The following TAFA1 variants were observed in gnomAD, a reference collection of about 807,000 sequenced individuals.
The protein encoded by TAFA1 is TAFA chemokine like family member 1.
Under a neutral mutation model 18.5 loss-of-function variants are expected in TAFA1, and 4 were observed. The observed-to-expected ratio is 0.22, with a 90% CI of 0.11 to 0.49. The LOEUF (loss-of-function observed/expected upper bound fraction) is 0.49. Ranked by LOEUF, TAFA1 falls within the 20% of genes least tolerant of loss-of-function variation. The probability of loss-of-function intolerance (pLI) is 0.98; values close to 1 mark genes in which losing one functional copy is unlikely to be tolerated. For missense variants in TAFA1, 147 were observed against 169.0 expected (o/e 0.87, Z 0.72); for synonymous variants, 56 against 55.2 (o/e 1.01, Z -0.06).
intron 3 of TAFA1, among the ~76,000 whole-genome samples, chr3:68,426,379 G>A (rs2071054413): frequency 6.6e-6 from 1 of 151,544 alleles, no homozygotes; most frequent in Non-Finnish European, 1.5e-5. Context: ...CAGGCCTACA[G>A]GTATAGACAT....
At chr3:68,375,379 G>A (rs1321260459) in intron 2 of TAFA1, among the ~76,000 whole-genome samples, 1 of 152,052 alleles carries the variant, frequency 6.6e-6, no homozygotes, top group Non-Finnish European at 1.5e-5. Flanking sequence ...ATTAAGTGCT[G>A]GCTTATCCAA....
intron 2 of TAFA1, among the ~76,000 whole-genome samples, chr3:68,060,204 T>TGTTTGTG (rs2064585215): frequency 1.3e-5 from 2 of 150,032 alleles, no homozygotes; most frequent in East Asian, 2.0e-4. Context: ...GTGTGTGTGT[T>TGTTTGTG]TGTGTGTGTG....
chr3:68,330,811 G>T (rs533149958), intron 2 of TAFA1, among the ~76,000 whole-genome samples: 1 of 152,182 alleles, frequency 6.6e-6, no homozygotes, highest in East Asian at 1.9e-4. Context: ...TGCCTTAATG[G>T]TCTTAGTCTA....
intron 2 of TAFA1, among the ~76,000 whole-genome samples, chr3:68,249,269 T>G (rs1253260747): frequency 6.6e-6 from 1 of 152,194 alleles, no homozygotes; most frequent in African/African-American, 2.4e-5. Context: ...TGACTCTGCC[T>G]TTCCCATGTT....
intron 2 of TAFA1, among the ~76,000 whole-genome samples, chr3:68,086,391 C>G (rs550018472): frequency 3.2e-4 from 49 of 152,242 alleles, no homozygotes; most frequent in Non-Finnish European, 6.2e-4. Flanking sequence ...TGCAGAAGTT[C>G]TCTTCTTTCT....
intron 2 of TAFA1, among the ~76,000 whole-genome samples, chr3:68,035,513 C>A (rs1705027614): frequency 1.3e-5 from 2 of 152,014 alleles, no homozygotes; most frequent in African/African-American, 4.8e-5. Context: ...CTAAAAAATT[C>A]CGATTAGAAT....
intron 3 of TAFA1, among the ~76,000 whole-genome samples, chr3:68,504,752 A>G (rs1400005212): frequency 1.3e-5 from 2 of 152,106 alleles, no homozygotes; most frequent in Non-Finnish European, 2.9e-5. Flanking sequence ...CATCTGCAGC[A>G]ACAAAAATAT....
At chr3:68,507,572 A>C (rs887511298) in intron 3 of TAFA1, among the ~76,000 whole-genome samples, 3 of 152,142 alleles carry the variant, frequency 2.0e-5, no homozygotes, top group Admixed American at 2.0e-4. Flanking sequence ...GTATTGTTCT[A>C]TTAAATGATT....
At chr3:68,282,534 G>A (rs1245857574) in intron 2 of TAFA1, among the ~76,000 whole-genome samples, 1 of 152,132 alleles carries the variant, frequency 6.6e-6, no homozygotes, top group African/African-American at 2.4e-5. Context: ...TAACTACCTT[G>A]CATTCTGATG....
intron 2 of TAFA1, among the ~76,000 whole-genome samples, chr3:68,217,233 C>T (rs1347450530): frequency 2.0e-5 from 3 of 151,850 alleles, no homozygotes; most frequent in African/African-American, 7.3e-5. Context: ...ATTTCTTTTG[C>T]ACCAACCTAA....
intron 3 of TAFA1, among the ~76,000 whole-genome samples, chr3:68,426,845 C>T (rs549509426): frequency 6.6e-6 from 1 of 151,810 alleles, no homozygotes; most frequent in Non-Finnish European, 1.5e-5. Flanking sequence ...ATTTTCTCAA[C>T]AGGATCAGAT....
chr3:68,513,316 C>T (rs965775563), intron 3 of TAFA1, among the ~76,000 whole-genome samples: 5 of 152,038 alleles, frequency 3.3e-5, no homozygotes, highest in African/African-American at 1.2e-4. Context: ...TCACCACTGT[C>T]CAATAGTACT....
At chr3:68,456,776 C>T (rs188647738) in intron 3 of TAFA1, among the ~76,000 whole-genome samples, 1 of 152,296 alleles carries the variant, frequency 6.6e-6, no homozygotes, top group African/African-American at 2.4e-5. Flanking sequence ...TACAGCTTCC[C>T]ACTTTTCTTT....
At chr3:68,275,135 C>T (rs147829458) in intron 2 of TAFA1, among the ~76,000 whole-genome samples, 11 of 152,002 alleles carry the variant, frequency 7.2e-5, no homozygotes, top group Non-Finnish European at 1.0e-4. Context: ...GCACATCTAA[C>T]GAAGAATTTA....
chr3:68,411,117 T>C (rs114820640), intron 2 of TAFA1, among the ~76,000 whole-genome samples: 1 of 152,202 alleles, frequency 6.6e-6, no homozygotes, highest in Non-Finnish European at 1.5e-5. Flanking sequence ...AAAACCTTTT[T>C]GTCTGAGGGA....
chr3:68,088,917 C>A (rs919450630), intron 2 of TAFA1, among the ~76,000 whole-genome samples: 1 of 152,032 alleles, frequency 6.6e-6, no homozygotes, highest in Admixed American at 6.6e-5. Flanking sequence ...TAGAGCTGAT[C>A]GGACATGCTG....
chr3:68,072,999 T>C (rs1166352835), intron 2 of TAFA1, among the ~76,000 whole-genome samples: 1 of 152,220 alleles, frequency 6.6e-6, no homozygotes, highest in East Asian at 1.9e-4. Context: ...AAAGGAAGAA[T>C]GTACTCTTCC....
chr3:68,349,642 A>G (rs184762418), intron 2 of TAFA1, among the ~76,000 whole-genome samples: 431 of 152,226 alleles, frequency 2.8e-3, no homozygotes, highest in Non-Finnish European at 4.7e-3. Flanking sequence ...TTTGAGGCTT[A>G]CAGGTTTCTA....
chr3:68,120,177 C>G (rs2065374719), intron 2 of TAFA1, among the ~76,000 whole-genome samples: 23 of 15,758 alleles, frequency 1.5e-3, no homozygotes, highest in African/African-American at 3.3e-3. Flanking sequence ...CTTTCTCTTT[C>G]TTTCTTTCTT....
Sources: allele counts gnomAD v4.1 joint callset (sites outside exome capture counted in the v4.1 genomes callset), GRCh38; gene constraint gnomAD v4.1.1; transcripts MANE v1.5; gene names NCBI Gene and HGNC (gene_info 2026-07-23, HGNC 2026-07-21).